Variants in POLA2 observed in about 807,000 individuals in gnomAD.
POLA2 encodes DNA polymerase alpha subunit B.
A neutral mutation model predicts 82.8 loss-of-function variants in POLA2; 47 were observed. The ratio of observed to expected loss-of-function variants is 0.57; its 90% CI spans 0.45 to 0.72. The LOEUF (loss-of-function observed/expected upper bound fraction) is 0.72, where lower values mean the gene tolerates loss of function less well. POLA2 is among the 30% of genes least tolerant of loss of function. The pLI is 0.00. For missense variants in POLA2, 634 were observed against 728.1 expected (o/e 0.87, Z 1.49); for synonymous variants, 287 against 286.8 (o/e 1.00, Z -0.01).
At chr11:65,282,757 T>G (rs1190941582) in intron 10 of POLA2, among the ~76,000 whole-genome samples, 1 of 152,238 alleles carries the variant, frequency 6.6e-6, no homozygotes, top group Non-Finnish European at 1.5e-5. Flanking sequence ...GCATGTTGTT[T>G]AAAGACTAAT....
chr11:65,301,328 C>T (rs947802661), downstream of POLA2, among the ~76,000 whole-genome samples: 1 of 152,140 alleles, frequency 6.6e-6, no homozygotes, highest in Non-Finnish European at 1.5e-5. Context: ...TTGCCTCCCA[C>T]CCCCTGTGCC....
intron 4 of POLA2, among the ~76,000 whole-genome samples, chr11:65,271,716 A>G (rs184487612): frequency 1.3e-5 from 2 of 151,822 alleles, no homozygotes; most frequent in East Asian, 1.9e-4. Context: ...GGTGGTGCCT[A>G]TAATCCCAGC....
intron 6 of POLA2, 22 bp downstream of exon 6, chr11:65,278,945 AT>A: frequency 1.9e-6 from 3 of 1,607,188 alleles, no homozygotes; most frequent in Non-Finnish European, 2.5e-6. Flanking sequence ...TCCCTTTGAA[AT>A]TCTGGTGGAT....
chr11:65,266,512 T>G (rs1949461568), intron 1 of POLA2, 70 bp from the exon 2 acceptor site: 2 of 1,516,260 alleles, frequency 1.3e-6, no homozygotes. Flanking sequence ...ACCAGGATTA[T>G]TTTTGCTTTT....
intron 1 of POLA2, among the ~76,000 whole-genome samples, chr11:65,262,791 C>G (rs556152491): frequency 6.6e-6 from 1 of 152,176 alleles, no homozygotes; most frequent in African/African-American, 2.4e-5. Context: ...TAAACCTCTG[C>G]TGATCCATCA....
At chr11:65,293,137 A>G (rs1033564481) in intron 13 of POLA2, among the ~76,000 whole-genome samples, 2 of 152,104 alleles carry the variant, frequency 1.3e-5, no homozygotes, top group East Asian at 3.8e-4. Context: ...TTGCATGACA[A>G]CCTGCTGAGA....
intron 11 of POLA2, among the ~76,000 whole-genome samples, chr11:65,288,599 C>T (rs947009517): frequency 6.7e-6 from 1 of 150,250 alleles, no homozygotes; most frequent in South Asian, 2.1e-4. Flanking sequence ...ATAGCCTCCA[C>T]CTCCTGGGCT....
intron 4 of POLA2, among the ~76,000 whole-genome samples, chr11:65,270,053 T>C (rs1949506217): frequency 6.6e-6 from 1 of 152,216 alleles, no homozygotes; most frequent in African/African-American, 2.4e-5. Context: ...GCTGGTCTCG[T>C]ACTCCTCACC....
intron 4 of POLA2, among the ~76,000 whole-genome samples, chr11:65,270,888 C>A (rs1949514489): frequency 6.6e-6 from 1 of 152,180 alleles, no homozygotes; most frequent in Non-Finnish European, 1.5e-5. Flanking sequence ...TTTCGTCTTT[C>A]CTCCTGATAT....
chr11:65,298,228 A>C lies in POLA2; in HGVS notation c.*959A>C, dbSNP rs1417803074. 6.6e-6 allele frequency: 1 copy of C among 152,364 alleles called. No individual in the cohort carries two copies. The highest frequency in any genetic ancestry group is 1.5e-5 in the Non-Finnish European group (1 of 68,160). 9.4% of individuals were successfully genotyped at this position (152,364 alleles called of 1,614,324 possible). A position where few individuals can be genotyped will look rare whatever the true frequency, so the allele number is the denominator to read the frequency against. On this transcript the variant is annotated 3_prime_UTR_variant, in exon 18 of 18. Transcript: ENST00000265465. ...TTCCTCACATGCATGCTGTGGTCCC[A>C]GCCTGACCTCTCCATCTGGAGGGGG...
chr11:65,292,458 G>A (rs1000784083), intron 13 of POLA2, among the ~76,000 whole-genome samples: 6 of 152,154 alleles, frequency 3.9e-5, no homozygotes, highest in Non-Finnish European at 7.3e-5. Context: ...CCCTTCCAAA[G>A]CCTACACTGA....
chr11:65,293,829 T>C (rs1949780830), intron 13 of POLA2, among the ~76,000 whole-genome samples: 1 of 152,212 alleles, frequency 6.6e-6, no homozygotes, highest in Non-Finnish European at 1.5e-5. Flanking sequence ...CTTTCTAGAC[T>C]TTCTAGATCT....
At chr11:65,281,382 C>T (rs142290968) in intron 8 of POLA2, among the ~76,000 whole-genome samples, 1 of 152,322 alleles carries the variant, frequency 6.6e-6, no homozygotes, top group East Asian at 1.9e-4. Flanking sequence ...CCATGAGGTG[C>T]ATGACTGTGC....
At chr11:65,270,908 G>A (rs577082644) in intron 4 of POLA2, among the ~76,000 whole-genome samples, 1 of 152,226 alleles carries the variant, frequency 6.6e-6, no homozygotes, top group East Asian at 1.9e-4. Flanking sequence ...TGCAAAGTTT[G>A]AACCAGCATA....
chr11:65,305,286 C>A (rs1255473037), intron 8 of POLA2: 1 of 444,362 alleles, frequency 2.3e-6, no homozygotes, highest in East Asian at 7.0e-5. Context: ...ACATGTGGCT[C>A]TTAAGCAAAT....
rs1008392135 is a variant in POLA2, at chr11:65,276,249, C to T, written c.461+251C>T. 1.8e-4 allele frequency among the ~76,000 whole-genome samples: 27 copies of T among 152,118 alleles called. 1 individual carries two copies. Among genetic ancestry groups the T allele is most frequent in the African/African-American group, 7.2e-5 (3 of 41,412 alleles). On this transcript the variant is annotated intron_variant, in intron 5 of 17. Transcript: ENST00000265465. The stretch of plus-strand genomic sequence containing the variant: ...CTTTTCTAGGGCTCATTTCCTAGAT[C>T]GGGAACTGATATCTTGTATTGAAAA...
At chr11:65,263,773 GC>G (rs1949427442) in intron 1 of POLA2, among the ~76,000 whole-genome samples, 1 of 150,742 alleles carries the variant, frequency 6.6e-6, no homozygotes, top group Non-Finnish European at 1.5e-5. Flanking sequence ...GTTGTGGTGA[GC>G]CGAGATCACA....
chr11:65,282,048 T>C (rs1022369890), intron 9 of POLA2, among the ~76,000 whole-genome samples: 1 of 152,224 alleles, frequency 6.6e-6, no homozygotes, highest in Non-Finnish European at 1.5e-5. Flanking sequence ...TTTATTTAAA[T>C]AGTGGGCTGC....
At chr11:65,305,361 T>C in intron 8 of POLA2, 1 of 456,248 alleles carries the variant, frequency 2.2e-6, no homozygotes, top group Non-Finnish European at 4.4e-6. Context: ...CAAATTCCTT[T>C]GTTTTGTTTA....
Sources: allele counts gnomAD v4.1 joint callset (sites outside exome capture counted in the v4.1 genomes callset), GRCh38; gene constraint gnomAD v4.1.1; transcripts MANE v1.5; gene names NCBI Gene and HGNC (gene_info 2026-07-23, HGNC 2026-07-21).